Variants in KLHL22 observed in about 807,000 individuals in gnomAD.
The protein encoded by KLHL22 is kelch-like protein 22.
In KLHL22, 18 loss-of-function variants were observed where a neutral mutation model predicts 60.7. The observed-to-expected ratio is 0.30, with a 90% CI of 0.20 to 0.44. The LOEUF (loss-of-function observed/expected upper bound fraction) is 0.44. Ranked by LOEUF, KLHL22 falls within the 20% of genes least tolerant of loss-of-function variation. The pLI, the probability that KLHL22 is intolerant of heterozygous loss-of-function variation, is 1.00. For missense variants in KLHL22, 596 were observed against 852.3 expected, an observed-to-expected ratio of 0.70 and a Z score of 3.74; for synonymous variants, 355 against 354.5, an observed-to-expected ratio of 1.00 and a Z score of -0.01.
At chr22:20,451,593 A>G (rs1601329228) in intron 5 of KLHL22, 2 of 1,596,810 alleles carry the variant, frequency 1.3e-6, no homozygotes, top group Non-Finnish European at 1.7e-6. Context: ...CCGTTGAAGC[A>G]TACAACATTC....
chr22:20,450,469 G>A, intron 5 of KLHL22: 1 of 1,612,482 alleles, frequency 6.2e-7, no homozygotes, highest in African/African-American at 1.3e-5. Context: ...GTTGAAAGGT[G>A]TGAAACAAGC....
intron 5 of KLHL22, chr22:20,451,243 A>G: frequency 6.2e-7 from 1 of 1,603,314 alleles, no homozygotes; most frequent in Non-Finnish European, 8.5e-7. Flanking sequence ...TGGAGCCACC[A>G]CCCTGGGAGA....
intron 5 of KLHL22, 102 bp downstream of exon 5, chr22:20,457,702 GTTTC>G: frequency 1.2e-6 from 1 of 840,738 alleles, no homozygotes; most frequent in South Asian, 1.7e-5. Flanking sequence ...CACTGAGCCT[GTTTC>G]TCTGACCTGG....
chr22:20,485,467 CTG>C (rs1339335789), intron 2 of KLHL22, among the ~76,000 whole-genome samples: 1 of 152,222 alleles, frequency 6.6e-6, no homozygotes, highest in Non-Finnish European at 1.5e-5. Context: ...TTCAGGAAAA[CTG>C]AGATTCCTCC....
In KLHL22 at chr22:20,457,860, C is replaced by T. The variant is rs1220749356; in HGVS notation, c.1253G>A (p.Arg418His). Reference sequence around the variant, plus strand: ...CCAGGAGTTGGTGGCAGGGTCGTAGCGCTCCACAGCATTCAGGTCATTGTG... The same window carrying T: ...CCAGGAGTTGGTGGCAGGGTCGTAGTGCTCCACAGCATTCAGGTCATTGTG... ...DYHNDLNAVE[R>H]YDPATNSWAY... Residue 418 changes from arginine to histidine, a missense_variant, in exon 5 of 7, where the codon CGC becomes CAC. Coordinates refer to ENST00000328879, the MANE Select transcript of KLHL22 (RefSeq NM_032775.4). 2 of 1,610,674 alleles carry T rather than the reference C, an allele frequency of 1.2e-6. No homozygotes were observed. Among genetic ancestry groups the T allele is most frequent in the East Asian group, 2.2e-5 (1 of 44,798 alleles).
intron 1 of KLHL22, among the ~76,000 whole-genome samples, chr22:20,493,529 C>A (rs2053722995): frequency 2.0e-5 from 3 of 152,218 alleles, no homozygotes; most frequent in African/African-American, 7.2e-5. Context: ...CGCCTGTAAT[C>A]CCAACACTTC....
rs113781488 is a variant in KLHL22, at chr22:20,446,583, C to T, written c.1399G>A (p.Asp467Asn). The T allele has an allele frequency of 2.4e-5, 39 of 1,613,840 alleles. No homozygotes were observed. Among genetic ancestry groups the T allele is most frequent in the African/African-American group, 2.7e-5 (2 of 74,922 alleles). The change falls in exon 6 of 7, where the codon GAT (aspartate) becomes AAT (asparagine). Residue 467 changes from aspartate (D) to asparagine (N), a missense_variant. Coordinates refer to ENST00000328879, the MANE Select transcript of KLHL22 (RefSeq NM_032775.4). ...GTGTGCCAAGTGTTGCTGCCTGGAT[C>T]GTAGCAGTGTGTCTCTTTCAGGTAA... Reference protein sequence around the residue: ...EDYLKETHCYDPGSNTWHTLA... With the variant: ...EDYLKETHCYNPGSNTWHTLA...
chr22:20,444,460 A>G (rs1183850553), intron 6 of KLHL22, among the ~76,000 whole-genome samples: 1 of 152,174 alleles, frequency 6.6e-6, no homozygotes, highest in African/African-American at 2.4e-5. Flanking sequence ...TCACAAGCAG[A>G]GGACCTGTTA....
intron 3 of KLHL22, among the ~76,000 whole-genome samples, chr22:20,466,325 G>T (rs954020036): frequency 1.0e-4 from 14 of 139,256 alleles, no homozygotes; most frequent in African/African-American, 3.8e-4. Context: ...AGTGAGCCGA[G>T]ATCGCGCCAT....
rs1054444277 is a variant in KLHL22 at position 20,483,185 on chromosome 22, A to C, written c.227+5800T>G. On this transcript the variant is annotated intron_variant, in intron 2 of 6. Coordinates refer to ENST00000328879, the MANE Select transcript of KLHL22 (RefSeq NM_032775.4). ...CAGATTTCTCAAGGAGTCCAGGTTG[A>C]TCTCCAAGGACTGGACGTACGTCTC... 2.3e-5 allele frequency: 15 copies of C among 640,240 alleles called. No homozygotes were observed. In the Middle Eastern group the frequency reaches 1.3e-3, roughly 53 times the overall value. 39.7% of individuals were successfully genotyped at this position (640,240 alleles called of 1,614,324 possible). A position where few individuals can be genotyped will look rare whatever the true frequency, so the allele number is the denominator to read the frequency against.
chr22:20,488,643 TACA>T, intron 2 of KLHL22: 1 of 258,194 alleles, frequency 3.9e-6, no homozygotes, highest in Non-Finnish European at 7.1e-6. Flanking sequence ...AGGTGATGCA[TACA>T]CAGCAATAAT....
intron 2 of KLHL22, among the ~76,000 whole-genome samples, chr22:20,472,039 G>C (rs912285735): frequency 4.6e-5 from 7 of 152,076 alleles, no homozygotes; most frequent in Non-Finnish European, 1.0e-4. Flanking sequence ...TTCAGGTCAG[G>C]AATTCGAGAC....
intron 2 of KLHL22, chr22:20,483,153 T>C (rs2053532953): frequency 3.2e-6 from 2 of 633,416 alleles, no homozygotes; most frequent in South Asian, 3.4e-5. Flanking sequence ...TTCTACAAGC[T>C]GGCCTTCAGA....
At chr22:20,450,736 G>A in intron 5 of KLHL22, 2 of 1,350,110 alleles carry the variant, frequency 1.5e-6, no homozygotes, top group African/African-American at 1.4e-5. Context: ...GGTGAAGCAT[G>A]CCAAGAAAGA....
chr22:20,452,154 A>C (rs991599516), intron 5 of KLHL22, among the ~76,000 whole-genome samples: 1 of 151,802 alleles, frequency 6.6e-6, no homozygotes, highest in African/African-American at 2.4e-5. Flanking sequence ...GTTGTGCCTC[A>C]TATGTTGCAA....
chr22:20,485,367 A>G lies in KLHL22; in HGVS notation c.227+3618T>C, dbSNP rs73879387. On this transcript the variant is annotated intron_variant, in intron 2 of 6. Coordinates refer to ENST00000328879, the MANE Select transcript of KLHL22 (RefSeq NM_032775.4). ...AACAAAAGTCAAAAAAAGAAAATGC[A>G]GTCTGGCCATCCAATTCCTAAACCA... 5.6e-3 allele frequency among the ~76,000 whole-genome samples: 855 copies of G among 152,364 alleles called. 8 individuals carry two copies. Among genetic ancestry groups the G allele is most frequent in the African/African-American group, 0.019 (800 of 41,594 alleles).
intron 2 of KLHL22, among the ~76,000 whole-genome samples, chr22:20,476,405 ATTTTTTTT>A (rs57189584): frequency 2.6e-4 from 18 of 69,350 alleles, no homozygotes; most frequent in East Asian, 1.0e-3. Flanking sequence ...ATTGACACAG[ATTTTTTTT>A]TTTTTTTTTT....
At chr22:20,454,196 G>A (rs944446681) in intron 5 of KLHL22, among the ~76,000 whole-genome samples, 1 of 152,034 alleles carries the variant, frequency 6.6e-6, no homozygotes, top group Non-Finnish European at 1.5e-5. Flanking sequence ...GGGCATGGTG[G>A]TGCTCACCTG....
chr22:20,464,708 C>T (rs2053203702), intron 4 of KLHL22, 150 bp downstream of exon 4: 1 of 606,392 alleles, frequency 1.6e-6, no homozygotes, highest in East Asian at 2.7e-5. Context: ...CTGCTGTCCA[C>T]CTTCTCTGAA....
Sources: allele counts gnomAD v4.1 joint callset (sites outside exome capture counted in the v4.1 genomes callset), GRCh38; gene constraint gnomAD v4.1.1; transcripts MANE v1.5; gene names NCBI Gene and HGNC (gene_info 2026-07-23, HGNC 2026-07-21).